The following PTPRD variants were observed in gnomAD, a reference collection of about 807,000 sequenced individuals.
PTPRD encodes the protein protein tyrosine phosphatase receptor type D, also known as receptor-type tyrosine-protein phosphatase delta.
Under a neutral mutation model 214.5 loss-of-function variants are expected in PTPRD, and 34 were observed. That is an observed-to-expected ratio of 0.16 (90% CI 0.12 to 0.21). The LOEUF (loss-of-function observed/expected upper bound fraction) is 0.21, where lower values mean the gene tolerates loss of function less well. Among genes scored for constraint, PTPRD ranks in the 10% least tolerant of loss-of-function variants. PTPRD has a pLI of 1.00. For missense variants in PTPRD, 2,545 were observed against 2,398.7 expected, an observed-to-expected ratio of 1.06 and a Z score of -1.27; for synonymous variants, 1,128 against 845.7, an observed-to-expected ratio of 1.33 and a Z score of -5.79.
chr9:8,947,547 CAGTAGT>C (rs570311303), intron 11 of PTPRD, among the ~76,000 whole-genome samples: 32 of 151,680 alleles, frequency 2.1e-4, no homozygotes, highest in Admixed American at 1.6e-3. Context: ...AAAAAGTAAC[CAGTAGT>C]AGTGATGTTC....
chr9:8,693,535 C>A (rs1191496158), intron 12 of PTPRD, among the ~76,000 whole-genome samples: 2 of 152,136 alleles, frequency 1.3e-5, no homozygotes, highest in African/African-American at 4.8e-5. Flanking sequence ...TTTATCAGTA[C>A]TTAGAAAATA....
chr9:9,294,545 T>A lies in PTPRD; in HGVS notation c.-203+102904A>T, dbSNP rs375336716. ...TAAATGAGTTCCTAAGGGTGGGGAT[T>A]TGACAGATTAGTGTTCTTACAAATA... On this transcript the variant is annotated intron_variant, in intron 9 of 45. Coordinates refer to ENST00000381196, the MANE Select transcript of PTPRD (RefSeq NM_002839.4). Among the ~76,000 whole-genome samples the A allele has an allele frequency of 1.2e-4, 18 of 151,640 alleles. 1 individual carries two copies. Among genetic ancestry groups the A allele is most frequent in the African/African-American group, 3.9e-4 (16 of 41,354 alleles).
At chr9:9,866,596 A>G (rs919513770) in intron 5 of PTPRD, among the ~76,000 whole-genome samples, 4 of 152,154 alleles carry the variant, frequency 2.6e-5, no homozygotes, top group African/African-American at 9.6e-5. Context: ...TAATAGTGAA[A>G]ATAAAACAAA....
At chr9:10,146,488 A>G (rs1564118595) in intron 3 of PTPRD, among the ~76,000 whole-genome samples, 1 of 152,108 alleles carries the variant, frequency 6.6e-6, no homozygotes, top group Non-Finnish European at 1.5e-5. Flanking sequence ...GAATCGGTTG[A>G]AATTATGACC....
intron 2 of PTPRD, among the ~76,000 whole-genome samples, chr9:10,440,397 T>C (rs996615989): frequency 2.0e-5 from 3 of 151,806 alleles, no homozygotes; most frequent in African/African-American, 7.2e-5. Context: ...ATCATATAAA[T>C]CATATCAGCA....
intron 3 of PTPRD, among the ~76,000 whole-genome samples, chr9:10,278,536 A>G (rs2094868787): frequency 6.6e-6 from 1 of 152,128 alleles, no homozygotes; most frequent in Non-Finnish European, 1.5e-5. Flanking sequence ...CAGAACAGGA[A>G]AGAAAGAACT....
intron 8 of PTPRD, among the ~76,000 whole-genome samples, chr9:9,413,008 C>T (rs903180043): frequency 2.0e-5 from 3 of 151,462 alleles, no homozygotes; most frequent in South Asian, 2.1e-4. Context: ...GCATCAGATA[C>T]TCCATCTTGA....
intron 8 of PTPRD, among the ~76,000 whole-genome samples, chr9:9,478,500 T>C (rs1335029133): frequency 6.6e-6 from 1 of 152,098 alleles, no homozygotes; most frequent in Non-Finnish European, 1.5e-5. Context: ...ATTCTGAAAA[T>C]GAAAAATAGT....
chr9:9,926,051 G>C (rs2084191235), intron 5 of PTPRD, among the ~76,000 whole-genome samples: 1 of 151,908 alleles, frequency 6.6e-6, no homozygotes, highest in Non-Finnish European at 1.5e-5. Context: ...GGCTGGTCTA[G>C]ACTCCCAGGC....
In PTPRD at chr9:8,317,025, T is replaced by G; in HGVS notation, c.*849A>C. On this transcript the variant is annotated 3_prime_UTR_variant, in exon 46 of 46. Transcript: ENST00000381196. ...TTATACTTTGCGCCTCCCTGTTGAT[T>G]CCAAAAACAAAACAAAATAATAATT... The G allele has an allele frequency of 4.3e-6, 1 of 231,658 alleles. No homozygotes were observed. The highest frequency in any genetic ancestry group is 6.1e-5 in the East Asian group (1 of 16,336). 14.4% of individuals were successfully genotyped at this position (231,658 alleles called of 1,614,324 possible).
chr9:9,990,189 G>A (rs1310833886), intron 4 of PTPRD, among the ~76,000 whole-genome samples: 1 of 152,172 alleles, frequency 6.6e-6, no homozygotes, highest in Admixed American at 6.5e-5. Context: ...ACCAGGACAA[G>A]GTCCTGGGGC....
chr9:8,657,418 C>A (rs1321947981), intron 12 of PTPRD, among the ~76,000 whole-genome samples: 1 of 152,096 alleles, frequency 6.6e-6, no homozygotes, highest in Non-Finnish European at 1.5e-5. Flanking sequence ...ATTCACCCAC[C>A]TTGGCCCCCC....
At chr9:8,960,418 G>A (rs775517338) in intron 11 of PTPRD, among the ~76,000 whole-genome samples, 17 of 152,172 alleles carry the variant, frequency 1.1e-4, no homozygotes, top group South Asian at 4.1e-4. Context: ...TAACAGGGAC[G>A]TGTACTAGGA....
At chr9:9,333,364 G>C (rs1043066740) in intron 9 of PTPRD, among the ~76,000 whole-genome samples, 2 of 151,256 alleles carry the variant, frequency 1.3e-5, no homozygotes, top group African/African-American at 4.9e-5. Context: ...GAGGAGGGGA[G>C]AGGATGGAGT....
chr9:10,281,325 T>C (rs991412237), intron 3 of PTPRD, among the ~76,000 whole-genome samples: 2 of 148,508 alleles, frequency 1.3e-5, no homozygotes, highest in African/African-American at 5.3e-5. Flanking sequence ...TATCATTTGC[T>C]ACATATTGAA....
intron 3 of PTPRD, among the ~76,000 whole-genome samples, chr9:10,162,884 C>A (rs1006885348): frequency 6.7e-6 from 1 of 149,978 alleles, no homozygotes; most frequent in Non-Finnish European, 1.5e-5. Context: ...TTATTCTTTT[C>A]TTCTTTAGCC....
At chr9:10,038,432 T>G (rs1438706067) in intron 3 of PTPRD, among the ~76,000 whole-genome samples, 1 of 152,152 alleles carries the variant, frequency 6.6e-6, no homozygotes, top group Non-Finnish European at 1.5e-5. Context: ...TTCTATTAAT[T>G]TGATTTTGTG....
At chr9:8,375,033 T>C (rs2082801296) in intron 39 of PTPRD, among the ~76,000 whole-genome samples, 1 of 151,954 alleles carries the variant, frequency 6.6e-6, no homozygotes, top group African/African-American at 2.4e-5. Flanking sequence ...TCTTGGGTTT[T>C]TCCTATACTC....
At chr9:10,060,789 T>G (rs1184161362) in intron 3 of PTPRD, among the ~76,000 whole-genome samples, 1 of 127,264 alleles carries the variant, frequency 7.9e-6, no homozygotes, top group Non-Finnish European at 1.5e-5. Context: ...TCTTTCTTTC[T>G]TTCTTTCTTT....
Sources: gnomAD v4.1 joint callset for allele counts (sites outside exome capture counted in the v4.1 genomes callset) on GRCh38, gnomAD v4.1.1 for gene constraint, MANE v1.5 for transcripts, NCBI Gene and HGNC (gene_info 2026-07-23, HGNC 2026-07-21) for gene names.